The following GRB10 variants were observed in gnomAD, a reference collection of about 807,000 sequenced individuals.
GRB10 encodes the protein growth factor receptor-bound protein 10.
GRB10 carries 20 observed loss-of-function variants against 80.9 expected under a neutral mutation model. The observed-to-expected ratio is 0.25, with a 90% CI of 0.17 to 0.36. The LOEUF is 0.36. Among genes scored for constraint, GRB10 ranks in the 10% least tolerant of loss-of-function variants. The pLI is 1.00. For missense variants in GRB10, 548 were observed against 747.7 expected, an observed-to-expected ratio of 0.73 and a Z score of 3.12; for synonymous variants, 291 against 291.5, an observed-to-expected ratio of 1.00 and a Z score of 0.02.
intron 8 of GRB10, among the ~76,000 whole-genome samples, chr7:50,620,041 G>C (rs115357295): frequency 2.0e-5 from 3 of 152,220 alleles, no homozygotes; most frequent in Admixed American, 2.0e-4. Flanking sequence ...GTGGTTCCAA[G>C]TGGAGCGGGA....
intron 17 of GRB10, among the ~76,000 whole-genome samples, chr7:50,596,261 C>T (rs181019738): frequency 2.1e-4 from 32 of 152,280 alleles, no homozygotes; most frequent in African/African-American, 5.1e-4. Context: ...TGGAGAAATC[C>T]GGCCGACAGC....
intron 17 of GRB10, among the ~76,000 whole-genome samples, chr7:50,598,748 G>A (rs2047073004): frequency 6.6e-6 from 1 of 152,238 alleles, no homozygotes; most frequent in African/African-American, 2.4e-5. Flanking sequence ...AGGGTGCTAT[G>A]TGAGTCCTGG....
rs543413878 is a variant in GRB10, at chr7:50,616,328, C to A, written c.866G>T (p.Ser289Ile). Residue 289 changes from serine to isoleucine, a missense_variant, in exon 11 of 19, where the codon AGT becomes ATT. This residue lies in a region of GRB10 where 270 missense variants were observed against 433.6 expected (regional missense o/e 0.62). Coordinates refer to ENST00000401949, the MANE Select transcript of GRB10 (RefSeq NM_001350814.2). ...CAAAAACCCTTGAATTTCAGGACAACTACTGGAGTTCAGAAAATTCTGTTG... is the reference window on the plus strand; with the variant it reads ...CAAAAACCCTTGAATTTCAGGACAAATACTGGAGTTCAGAAAATTCTGTTG... Reference protein sequence around the residue: ...QLLQNFLNSSSCPEIQGFLHV... With the variant: ...QLLQNFLNSSICPEIQGFLHV... 6.2e-7 allele frequency: 1 copy of A among 1,614,116 alleles called. No homozygotes were observed. The highest frequency in any genetic ancestry group is 8.5e-7 in the Non-Finnish European group (1 of 1,179,958).
chr7:50,686,961 TTGAGTTTC>T (rs2062170542), intron 5 of GRB10, among the ~76,000 whole-genome samples: 2 of 152,216 alleles, frequency 1.3e-5, no homozygotes, highest in Admixed American at 1.3e-4. Flanking sequence ...GTCAGTGAAC[TTGAGTTTC>T]TAGAAGGCCG....
At chr7:50,688,696 G>A (rs1426279883) in intron 5 of GRB10, among the ~76,000 whole-genome samples, 1 of 143,702 alleles carries the variant, frequency 7.0e-6, no homozygotes, top group African/African-American at 2.6e-5. Context: ...GGTGTTCCCA[G>A]ACTGTTTAAA....
intron 5 of GRB10, among the ~76,000 whole-genome samples, chr7:50,687,253 A>G (rs2062208685): frequency 6.6e-6 from 1 of 152,220 alleles, no homozygotes; most frequent in African/African-American, 2.4e-5. Flanking sequence ...CATGTGTCCA[A>G]AGAAGAGCTG....
At chr7:50,692,306 ACG>A (rs1554571666) in intron 5 of GRB10, among the ~76,000 whole-genome samples, 1 of 152,058 alleles carries the variant, frequency 6.6e-6, no homozygotes, top group African/African-American at 2.4e-5. Context: ...ACACACACAC[ACG>A]CACACATATA....
chr7:50,776,250 G>A (rs2077629473), intron 2 of GRB10, among the ~76,000 whole-genome samples: 1 of 152,084 alleles, frequency 6.6e-6, no homozygotes. Context: ...GTCTCATTCT[G>A]TCACGCAGGC....
At chr7:50,714,775 C>T (rs1156781134) in intron 4 of GRB10, among the ~76,000 whole-genome samples, 2 of 152,086 alleles carry the variant, frequency 1.3e-5, no homozygotes, top group African/African-American at 2.4e-5. Context: ...TCAAGCTTCT[C>T]GTTTTCTCTC....
chr7:50,606,292 A>C, intron 14 of GRB10, 45 bp downstream of exon 14: 1 of 1,445,862 alleles, frequency 6.9e-7, no homozygotes, highest in Non-Finnish European at 9.7e-7. Context: ...TGTGATGCAG[A>C]AGCTGAAAAG....
At chr7:50,617,939 C>T (rs1006794755) in intron 10 of GRB10, 132 bp downstream of exon 10, 33 of 819,980 alleles carry the variant, frequency 4.0e-5, no homozygotes, top group African/African-American at 1.9e-4. Flanking sequence ...ACCACCCCTC[C>T]GGCTTAAGAG....
At chr7:50,619,315 G>T (rs147011982) in intron 8 of GRB10, 30 bp from the exon 9 acceptor site, 1 of 1,279,792 alleles carries the variant, frequency 7.8e-7, no homozygotes, top group Non-Finnish European at 1.1e-6. Context: ...CGTGTGAGAC[G>T]CAACAGGTGG....
chr7:50,645,927 A>G (rs941244087), intron 7 of GRB10, among the ~76,000 whole-genome samples: 4 of 152,286 alleles, frequency 2.6e-5, no homozygotes, highest in African/African-American at 7.2e-5. Context: ...ATGCCTTCCC[A>G]TCGTATTATA....
Position 50,593,155 on chromosome 7 carries a change from C to T in GRB10, c.1639-57G>A, listed in dbSNP as rs147306209. The stretch of plus-strand genomic sequence containing the variant: ...GAGGCTGCCACCTCAGGGAACAGAA[C>T]GGGGCCCACGGCCAGCAGCAGCTAC... On this transcript the variant is annotated intron_variant, in intron 18 of 18. Transcript: ENST00000401949. 2,385 of 1,593,926 alleles carry T rather than the reference C, an allele frequency of 1.5e-3. 25 individuals carry two copies. The African/African-American group carries it at 0.026, about 17-fold the overall frequency.
intron 5 of GRB10, among the ~76,000 whole-genome samples, chr7:50,683,558 G>A (rs746528145): frequency 6.6e-5 from 10 of 152,174 alleles, no homozygotes; most frequent in East Asian, 1.9e-4. Context: ...TCAACATGGC[G>A]AAACCCTGTC....
intron 4 of GRB10, chr7:50,729,287 T>C (rs1353629492): frequency 6.6e-6 from 1 of 152,216 alleles, no homozygotes; most frequent in East Asian, 1.9e-4. Context: ...CAACAGTAAA[T>C]TTAATCACCT....
chr7:50,693,898 C>A (rs1434644475), intron 5 of GRB10, among the ~76,000 whole-genome samples: 2 of 151,782 alleles, frequency 1.3e-5, no homozygotes, highest in African/African-American at 4.8e-5. Context: ...AAAGGGAGAC[C>A]CAAGCAGTTG....
At chr7:50,757,236 T>C (rs886700) in intron 2 of GRB10, among the ~76,000 whole-genome samples, 94,566 of 152,068 alleles carry the variant, frequency 0.62, 32,157 homozygotes, top group Middle Eastern at 0.87. Flanking sequence ...GTCATTGGGG[T>C]TCAGTGTTCC....
intron 4 of GRB10, among the ~76,000 whole-genome samples, chr7:50,724,582 GCT>G (rs146822599): frequency 0.013 from 2,010 of 152,272 alleles, 39 homozygotes; most frequent in African/African-American, 0.045. Context: ...GAGCCGCCCA[GCT>G]CTGAGCTGGT....
Sources: gnomAD v4.1 joint callset for allele counts (sites outside exome capture counted in the v4.1 genomes callset) on GRCh38, gnomAD v4.1.1 for gene constraint, gnomAD v4.1.1 regional missense constraint, MANE v1.5 for transcripts, NCBI Gene and HGNC (gene_info 2026-07-23, HGNC 2026-07-21) for gene names.